The following CDH13 variants were observed in gnomAD, a reference collection of about 807,000 sequenced individuals.
The protein encoded by CDH13 is cadherin 13, also known as cadherin-13.
Under a neutral mutation model 63.8 loss-of-function variants are expected in CDH13, and 24 were observed. That is an observed-to-expected ratio of 0.38 (90% CI 0.27 to 0.53). CDH13 has a LOEUF of 0.53. CDH13 is among the 20% of genes least tolerant of loss of function. CDH13 has a pLI of 0.85. For missense variants in CDH13, 1,049 were observed against 903.1 expected (o/e 1.16, Z -2.07); for synonymous variants, 503 against 355.3 (o/e 1.42, Z -4.67).
At chr16:82,883,703 C>G (rs1395460721) in intron 2 of CDH13, among the ~76,000 whole-genome samples, 2 of 152,200 alleles carry the variant, frequency 1.3e-5, no homozygotes, top group African/African-American at 4.8e-5. Flanking sequence ...ATTAGCTGAG[C>G]TCGTGCCCAG....
intron 6 of CDH13, among the ~76,000 whole-genome samples, chr16:83,368,887 TA>T (rs2091305808): frequency 0.025 from 937 of 37,948 alleles, 187 homozygotes; most frequent in East Asian, 0.039. Context: ...TTCCATGTTA[TA>T]TATATATATA....
chr16:83,585,603 TG>T (rs1404659974), intron 7 of CDH13, among the ~76,000 whole-genome samples: 2 of 71,892 alleles, frequency 2.8e-5, no homozygotes, highest in East Asian at 7.2e-4. Flanking sequence ...CAGTTGGTAA[TG>T]GAAGCTGTCA....
chr16:82,923,090 CAT>C (rs1181955597), intron 2 of CDH13, among the ~76,000 whole-genome samples: 26 of 152,260 alleles, frequency 1.7e-4, no homozygotes, highest in South Asian at 1.2e-3. Flanking sequence ...TCAAAGAACA[CAT>C]GTTTTAGGAA....
chr16:83,689,128 A>C (rs923134075), intron 10 of CDH13, among the ~76,000 whole-genome samples: 3 of 152,246 alleles, frequency 2.0e-5, no homozygotes, highest in African/African-American at 7.2e-5. Context: ...GACTTTCATT[A>C]TTGAAAACAT....
At chr16:83,102,381 A>T (rs2034522892) in intron 3 of CDH13, among the ~76,000 whole-genome samples, 1 of 152,218 alleles carries the variant, frequency 6.6e-6, no homozygotes, top group Non-Finnish European at 1.5e-5. Context: ...ATACCCAGGC[A>T]GGGAGACCAG....
At position 82,822,399 on chromosome 16, in the gene CDH13, C is replaced by T. The variant is rs182083091; in HGVS notation, c.46-35963C>T. ...AGAAAATTGTGTGTTATATTACTGC[C>T]TGTCTTTGAGGGGATGCACATTCAC... On this transcript the variant is annotated intron_variant, in intron 1 of 13. Coordinates refer to ENST00000567109, the MANE Select transcript of CDH13 (RefSeq NM_001257.5). Among the ~76,000 whole-genome samples the T allele has an allele frequency of 1.4e-4, 21 of 152,196 alleles. No homozygotes were observed. The East Asian group carries it at 4.1e-3, about 29-fold the overall frequency.
intron 2 of CDH13, among the ~76,000 whole-genome samples, chr16:82,869,288 G>A (rs184077296): frequency 1.1e-4 from 17 of 151,916 alleles, no homozygotes; most frequent in African/African-American, 2.9e-4. Context: ...TCAAACGATC[G>A]TCCTGATTCG....
At chr16:83,407,154 A>G (rs1030291481) in intron 6 of CDH13, among the ~76,000 whole-genome samples, 1 of 152,202 alleles carries the variant, frequency 6.6e-6, no homozygotes, top group Non-Finnish European at 1.5e-5. Flanking sequence ...CAGTGAGCAA[A>G]GCAAACAAAA....
chr16:82,663,997 C>A (rs1280744608), intron 1 of CDH13, among the ~76,000 whole-genome samples: 2 of 152,204 alleles, frequency 1.3e-5, no homozygotes, highest in Admixed American at 6.5e-5. Context: ...TTTGGCTCCA[C>A]TTCTGCCTTT....
intron 7 of CDH13, among the ~76,000 whole-genome samples, chr16:83,488,964 T>C (rs999993069): frequency 6.6e-6 from 1 of 152,276 alleles, no homozygotes; most frequent in Non-Finnish European, 1.5e-5. Context: ...TTTCTTCTTT[T>C]GGAGGCCAGT....
At chr16:83,410,883 C>G (rs1453109004) in intron 6 of CDH13, among the ~76,000 whole-genome samples, 1 of 152,172 alleles carries the variant, frequency 6.6e-6, no homozygotes, top group Non-Finnish European at 1.5e-5. Context: ...CAATAAGCTC[C>G]AGGTATTGAA....
At chr16:83,281,819 A>G (rs1436603200) in intron 5 of CDH13, among the ~76,000 whole-genome samples, 1 of 152,018 alleles carries the variant, frequency 6.6e-6, no homozygotes, top group Non-Finnish European at 1.5e-5. Flanking sequence ...AGGCTGAGGC[A>G]GGAGAATTGC....
At chr16:83,089,107 G>A (rs1028190305) in intron 3 of CDH13, among the ~76,000 whole-genome samples, 1 of 152,132 alleles carries the variant, frequency 6.6e-6, no homozygotes, top group Non-Finnish European at 1.5e-5. Context: ...CATGTCTATG[G>A]ATTTAGATAT....
intron 5 of CDH13, among the ~76,000 whole-genome samples, chr16:83,304,018 A>G (rs2089815161): frequency 6.6e-6 from 1 of 152,186 alleles, no homozygotes; most frequent in South Asian, 2.1e-4. Flanking sequence ...GTAGACAGAG[A>G]AACATCCCAG....
At chr16:82,753,405 T>G (rs1426796777) in intron 1 of CDH13, among the ~76,000 whole-genome samples, 1 of 152,176 alleles carries the variant, frequency 6.6e-6, no homozygotes, top group Non-Finnish European at 1.5e-5. Flanking sequence ...CTGGGGGCTT[T>G]CTACCCTGTC....
intron 1 of CDH13, among the ~76,000 whole-genome samples, chr16:82,715,480 C>T (rs1019071860): frequency 6.6e-6 from 1 of 152,116 alleles, no homozygotes; most frequent in Non-Finnish European, 1.5e-5. Flanking sequence ...GCGATGCTGC[C>T]TAAGAAAAGC....
chr16:83,770,615 T>A (rs1245065040), intron 11 of CDH13, among the ~76,000 whole-genome samples: 1 of 152,248 alleles, frequency 6.6e-6, no homozygotes, highest in Non-Finnish European at 1.5e-5. Flanking sequence ...TTGCCCATTT[T>A]TGAGGTTATT....
At chr16:82,659,246 A>T (rs942758410) in intron 1 of CDH13, among the ~76,000 whole-genome samples, 1 of 152,176 alleles carries the variant, frequency 6.6e-6, no homozygotes, top group African/African-American at 2.4e-5. Flanking sequence ...CCTTCATTCA[A>T]CACTGGGTTT....
chr16:82,763,659 C>A (rs1395809084), intron 1 of CDH13, among the ~76,000 whole-genome samples: 1 of 151,988 alleles, frequency 6.6e-6, no homozygotes, highest in Non-Finnish European at 1.5e-5. Flanking sequence ...ATATAATGAG[C>A]CTCTGGATTT....
Sources: gnomAD v4.1 joint callset for allele counts (sites outside exome capture counted in the v4.1 genomes callset) on GRCh38, gnomAD v4.1.1 for gene constraint, MANE v1.5 for transcripts, NCBI Gene and HGNC (gene_info 2026-07-23, HGNC 2026-07-21) for gene names.